WFDC11: variants seen among roughly 807,000 people sequenced by gnomAD.
WFDC11 encodes WAP four-disulfide core domain 11.
A neutral mutation model predicts 9.9 loss-of-function variants in WFDC11; 9 were observed. The ratio of observed to expected loss-of-function variants is 0.91; its 90% CI spans 0.55 to 1.58. The LOEUF is 1.58. WFDC11 is among the 40% of genes most tolerant of loss of function. The pLI, the probability that WFDC11 is intolerant of heterozygous loss-of-function variation, is 0.00. For synonymous variants in WFDC11, 32 were observed against 33.3 expected, an observed-to-expected ratio of 0.96 and a Z score of 0.13; for missense variants, 106 against 101.7, an observed-to-expected ratio of 1.04 and a Z score of -0.18.
At chr20:45,668,081 A>G (rs1983223477) in intron 1 of WFDC11, among the ~76,000 whole-genome samples, 1 of 152,198 alleles carries the variant, frequency 6.6e-6, no homozygotes, top group South Asian at 2.1e-4. Flanking sequence ...CAAGATTTGA[A>G]AGGAAGTGAA....
intron 2 of WFDC11, among the ~76,000 whole-genome samples, chr20:45,656,602 A>G: frequency 6.6e-6 from 1 of 151,846 alleles, no homozygotes; most frequent in South Asian, 2.1e-4. Flanking sequence ...TAATTAATCT[A>G]AAGAGCTTCT....
At chr20:45,652,124 A>C (rs918219090) in intron 2 of WFDC11, among the ~76,000 whole-genome samples, 5 of 152,230 alleles carry the variant, frequency 3.3e-5, no homozygotes, top group Non-Finnish European at 7.3e-5. Flanking sequence ...CTGAGAACAG[A>C]CAGACTGCCT....
At chr20:45,667,741 T>A (rs980304993) in intron 1 of WFDC11, among the ~76,000 whole-genome samples, 2 of 152,214 alleles carry the variant, frequency 1.3e-5, no homozygotes, top group African/African-American at 4.8e-5. Flanking sequence ...TCCTCATTTT[T>A]AAAGTGAGAA....
At chr20:45,650,677 G>C in intron 2 of WFDC11, 26 bp from the exon 3 acceptor site, 1 of 1,213,198 alleles carries the variant, frequency 8.2e-7, no homozygotes, top group South Asian at 1.2e-5. Context: ...TATAAATAGG[G>C]AAAGAGAGGT....
Position 45,649,291 on chromosome 20 carries a change from C to T in WFDC11, c.209G>A (p.Trp70Ter). 1 of 1,614,056 alleles carries T rather than the reference C, an allele frequency of 6.2e-7. No homozygotes were observed. Among genetic ancestry groups the T allele is most frequent in the Non-Finnish European group, 8.5e-7 (1 of 1,180,024 alleles). The change falls in exon 4 of 5, where the codon TGG becomes TAG. Residue 70 changes from tryptophan to a stop codon, truncating the protein, a stop_gained. Coordinates refer to ENST00000324384, the MANE Select transcript of WFDC11 (RefSeq NM_147197.2). LOFTEE classifies it low-confidence loss of function (END_TRUNC). ...RCKDKNYTCC[W>*]TYCGNICWIN... Reference sequence around the variant, plus strand: ...CCAGCAGATGTTTCCACAATAGGTCCAGCAGCATGTGTAATTTTTGTCTTT... The same window carrying T: ...CCAGCAGATGTTTCCACAATAGGTCTAGCAGCATGTGTAATTTTTGTCTTT...
At chr20:45,668,670 T>C (rs1384685424) in intron 1 of WFDC11, among the ~76,000 whole-genome samples, 1 of 152,200 alleles carries the variant, frequency 6.6e-6, no homozygotes, top group Admixed American at 6.5e-5. Context: ...CTTTTTCTTA[T>C]GTACATATAT....
In WFDC11 at chr20:45,670,161, A is replaced by AC. The variant is rs1983268069; in HGVS notation, c.-134+16_-134+17insG. On this transcript the variant is annotated intron_variant, in intron 1 of 4. Transcript: ENST00000324384. ...AACAAGTACCAAAATTTAATCAGTA[A>AC]TTAAAAAAAAACTTACCAACCAGAA... The AC allele has an allele frequency of 6.9e-6, 1 of 144,152 alleles. No homozygotes were observed. Among genetic ancestry groups the AC allele is most frequent in the African/African-American group, 2.6e-5 (1 of 38,218 alleles). The allele number at this position is 144,152 out of a possible 1,614,324, so 8.9% of individuals were successfully genotyped here. A position where few individuals can be genotyped will look rare whatever the true frequency, so the allele number is the denominator to read the frequency against.
chr20:45,652,333 G>A (rs929911326), intron 2 of WFDC11, among the ~76,000 whole-genome samples: 12 of 152,186 alleles, frequency 7.9e-5, no homozygotes, highest in African/African-American at 4.8e-5. Flanking sequence ...GGTCTGGAGT[G>A]GACCTCGAGC....
intron 2 of WFDC11, among the ~76,000 whole-genome samples, chr20:45,666,398 C>A (rs931538356): frequency 1.3e-5 from 2 of 152,234 alleles, no homozygotes; most frequent in Admixed American, 1.3e-4. Context: ...CGACACCCCA[C>A]CCTGCTTCCG....
At chr20:45,655,287 T>C (rs1270273755) in intron 2 of WFDC11, among the ~76,000 whole-genome samples, 1 of 152,092 alleles carries the variant, frequency 6.6e-6, no homozygotes, top group Non-Finnish European at 1.5e-5. Flanking sequence ...CATATGCAAA[T>C]CAATAAACAT....
At chr20:45,651,342 C>T (rs1049750839) in intron 2 of WFDC11, among the ~76,000 whole-genome samples, 3 of 152,144 alleles carry the variant, frequency 2.0e-5, no homozygotes, top group East Asian at 1.9e-4. Context: ...CAGTACAAAT[C>T]GTACTTTCAG....
chr20:45,657,206 G>A (rs1982952698), intron 2 of WFDC11, among the ~76,000 whole-genome samples: 1 of 152,126 alleles, frequency 6.6e-6, no homozygotes. Flanking sequence ...ATGGTAGACT[G>A]AATTAAGAAA....
chr20:45,658,478 G>A (rs1982983766), intron 2 of WFDC11, among the ~76,000 whole-genome samples: 1 of 152,028 alleles, frequency 6.6e-6, no homozygotes, highest in African/African-American at 2.4e-5. Context: ...AGGTTTTCTA[G>A]TGTATGTGTG....
chr20:45,666,573 A>G (rs144198295), intron 2 of WFDC11, among the ~76,000 whole-genome samples: 2 of 152,316 alleles, frequency 1.3e-5, no homozygotes, highest in East Asian at 1.9e-4. Context: ...CTCCTCCATG[A>G]GTATTTCTTA....
chr20:45,649,534 T>C, intron 3 of WFDC11, 135 bp from the exon 4 acceptor site: 2 of 1,123,966 alleles, frequency 1.8e-6, no homozygotes. Flanking sequence ...ATTTGCCTTT[T>C]AAGGGAATTG....
Position 45,659,129 on chromosome 20 carries a change from T to C in WFDC11, c.-52+7959A>G, listed in dbSNP as rs187100776. On this transcript the variant is annotated intron_variant, in intron 2 of 4. Transcript: ENST00000324384. ...GTCTATCATTGATGGACATTTGGGT[T>C]GGTTCCAAGTCTTTGCTATTGTAAA... 1.4e-3 allele frequency among the ~76,000 whole-genome samples: 218 copies of C among 152,362 alleles called. 1 individual carries two copies. Among genetic ancestry groups the C allele is most frequent in the Admixed American group, 3.9e-3 (59 of 15,306 alleles).
chr20:45,653,799 G>C (rs544932118), intron 2 of WFDC11, among the ~76,000 whole-genome samples: 1 of 152,120 alleles, frequency 6.6e-6, no homozygotes, highest in African/African-American at 2.4e-5. Context: ...TGATAAAACA[G>C]ACTTTAAACC....
chr20:45,667,353 A>G (rs1983207445), intron 1 of WFDC11, among the ~76,000 whole-genome samples, 184 bp from the exon 2 acceptor site: 2 of 152,250 alleles, frequency 1.3e-5, no homozygotes, highest in Admixed American at 1.3e-4. Context: ...AGATAGAGAC[A>G]GAACACTGTG....
chr20:45,652,272 C>G (rs1486085371), intron 2 of WFDC11, among the ~76,000 whole-genome samples: 1 of 152,194 alleles, frequency 6.6e-6, no homozygotes, highest in African/African-American at 2.4e-5. Context: ...ATTTGCTGTT[C>G]ACCAATCTCC....
Sources: allele counts gnomAD v4.1 joint callset (sites outside exome capture counted in the v4.1 genomes callset), GRCh38; gene constraint gnomAD v4.1.1; transcripts MANE v1.5; gene names NCBI Gene and HGNC (gene_info 2026-07-23, HGNC 2026-07-21).